Variants in DNAH14 observed in about 807,000 individuals in gnomAD.
DNAH14 encodes axonemal beta dynein heavy chain 14.
In DNAH14, 478 loss-of-function variants were observed where a neutral mutation model predicts 520.9. That is an observed-to-expected ratio of 0.92 (90% CI 0.85 to 0.99). DNAH14 has a LOEUF of 0.99. DNAH14 is among the 50% of genes least tolerant of loss of function. The probability of loss-of-function intolerance (pLI) is 0.00; values close to 1 mark genes in which losing one functional copy is unlikely to be tolerated. For synonymous variants in DNAH14, 1,581 were observed against 1,757.2 expected (o/e 0.90, Z 2.51); for missense variants, 4,831 against 5,234.5 (o/e 0.92, Z 2.38).
intron 37 of DNAH14, among the ~76,000 whole-genome samples, chr1:225,187,801 G>A (rs1475342583): frequency 6.6e-6 from 1 of 151,716 alleles, no homozygotes; most frequent in East Asian, 1.9e-4. Flanking sequence ...TTATCTTTTT[G>A]TTGTTCAGTT....
intron 43 of DNAH14, among the ~76,000 whole-genome samples, chr1:225,241,440 A>G (rs1328917487): frequency 6.6e-6 from 1 of 152,234 alleles, no homozygotes; most frequent in African/African-American, 2.4e-5. Flanking sequence ...TACCAAAAAT[A>G]CAAATCCTAC....
chr1:225,131,159 C>T (rs1255923541), intron 27 of DNAH14, among the ~76,000 whole-genome samples: 1 of 152,112 alleles, frequency 6.6e-6, no homozygotes, highest in East Asian at 1.9e-4. Context: ...GAAAGTAGAA[C>T]TATTTTCTTA....
intron 7 of DNAH14, 146 bp downstream of exon 7, chr1:224,969,020 C>G (rs2125611699): frequency 1.9e-6 from 1 of 526,198 alleles, no homozygotes; most frequent in Non-Finnish European, 3.3e-6. Flanking sequence ...CGGAACACCC[C>G]ATTTCCTCTG....
chr1:225,123,019 A>G (rs1168034414), intron 26 of DNAH14, among the ~76,000 whole-genome samples: 1 of 152,206 alleles, frequency 6.6e-6, no homozygotes, highest in Non-Finnish European at 1.5e-5. Context: ...AAAACTCCAT[A>G]TGGAAAAAAA....
At chr1:225,161,197 G>A (rs746535841) in intron 35 of DNAH14, among the ~76,000 whole-genome samples, 18 of 151,906 alleles carry the variant, frequency 1.2e-4, no homozygotes, top group African/African-American at 3.4e-4. Flanking sequence ...TCTGGTAACC[G>A]TCCTTCTACT....
At chr1:225,059,620 C>T (rs1342842738) in intron 17 of DNAH14, among the ~76,000 whole-genome samples, 1 of 152,176 alleles carries the variant, frequency 6.6e-6, no homozygotes, top group African/African-American at 2.4e-5. Context: ...TCTTCCTAGC[C>T]TCGATGGTCT....
chr1:225,333,546 T>C, intron 66 of DNAH14, 40 bp downstream of exon 66: 2 of 1,499,028 alleles, frequency 1.3e-6, no homozygotes, highest in Non-Finnish European at 1.8e-6. Flanking sequence ...GTGGCTATTA[T>C]TGTTTATTTG....
intron 77 of DNAH14, among the ~76,000 whole-genome samples, chr1:225,372,471 GA>G (rs933504447): frequency 6.6e-6 from 1 of 152,096 alleles, no homozygotes; most frequent in African/African-American, 2.4e-5. Flanking sequence ...TTCAACTGAG[GA>G]AAAAGGGATT....
intron 38 of DNAH14, among the ~76,000 whole-genome samples, chr1:225,199,438 T>G (rs1459151884): frequency 1.3e-5 from 2 of 152,180 alleles, no homozygotes; most frequent in African/African-American, 4.8e-5. Flanking sequence ...AGAAAGTCAG[T>G]TTGTGCTCTT....
chr1:225,085,987 A>G (rs2073726635), intron 21 of DNAH14, among the ~76,000 whole-genome samples, 198 bp downstream of exon 21: 1 of 152,096 alleles, frequency 6.6e-6, no homozygotes, highest in Non-Finnish European at 1.5e-5. Flanking sequence ...AGAAAATGTC[A>G]AAGTTTAATT....
intron 27 of DNAH14, among the ~76,000 whole-genome samples, chr1:225,133,035 A>G (rs2078594065): frequency 6.6e-6 from 1 of 151,924 alleles, no homozygotes; most frequent in Non-Finnish European, 1.5e-5. Context: ...TTTGAGAAGT[A>G]TCTGTTCATG....
Position 225,389,862 on chromosome 1 carries a change from T to C in DNAH14, c.13319T>C (p.Phe4440Ser). ...TCAAGATACTGGCTCCCAGCTTTCT[T>C]CTTTCCACAAGGTGAGCATTAGAAC... ...FPSRYWLPAF[F>S]FPQAFLAAVL... Residue 4440 changes from phenylalanine (F) to serine (S), a missense_variant, in exon 83 of 86, where the codon TTC becomes TCC. Physicochemically the swap from Phe to Ser is radical, Grantham distance 155. Transcript: ENST00000682510. 6.4e-7 allele frequency: 1 copy of C among 1,551,658 alleles called. No homozygotes were observed.
intron 35 of DNAH14, 127 bp from the exon 36 acceptor site, chr1:225,167,812 T>TA (rs935012369): frequency 1.6e-5 from 8 of 510,154 alleles, no homozygotes; most frequent in Admixed American, 8.5e-5. Context: ...GTTGGTGAAC[T>TA]AAAAAATCAA....
chr1:225,316,069 G>C (rs1224623980), intron 60 of DNAH14, among the ~76,000 whole-genome samples: 2 of 152,240 alleles, frequency 1.3e-5, no homozygotes, highest in Non-Finnish European at 2.9e-5. Flanking sequence ...GGTATCTAGA[G>C]AGAGAGTCTG....
chr1:225,038,639 T>C, intron 11 of DNAH14, 55 bp from the exon 12 acceptor site: 1 of 1,473,638 alleles, frequency 6.8e-7, no homozygotes, highest in Non-Finnish European at 9.0e-7. Context: ...GTTCTTTATA[T>C]ATGTAGATAT....
At chr1:225,018,749 A>G (rs1052233987) in intron 10 of DNAH14, among the ~76,000 whole-genome samples, 2 of 152,204 alleles carry the variant, frequency 1.3e-5, no homozygotes, top group Non-Finnish European at 2.9e-5. Context: ...GCCTATTTTT[A>G]ACATCCTTAA....
intron 36 of DNAH14, among the ~76,000 whole-genome samples, chr1:225,171,006 C>T (rs1349592191): frequency 6.6e-6 from 1 of 152,226 alleles, no homozygotes; most frequent in Non-Finnish European, 1.5e-5. Flanking sequence ...GAACAACCTG[C>T]TCCTGAATGA....
chr1:225,143,809 A>G (rs1309417678), intron 28 of DNAH14, among the ~76,000 whole-genome samples: 3 of 152,236 alleles, frequency 2.0e-5, no homozygotes, highest in Non-Finnish European at 2.9e-5. Context: ...GAATTGAGTT[A>G]GCACTAACTG....
intron 27 of DNAH14, among the ~76,000 whole-genome samples, chr1:225,133,831 A>G (rs1020428048): frequency 1.2e-4 from 19 of 152,022 alleles, no homozygotes; most frequent in African/African-American, 4.6e-4. Context: ...GGCCGTTTTT[A>G]TGATACTGAT....
Sources: gnomAD v4.1 joint callset for allele counts (sites outside exome capture counted in the v4.1 genomes callset) on GRCh38, gnomAD v4.1.1 for gene constraint, MANE v1.5 for transcripts, NCBI Gene and HGNC (gene_info 2026-07-23, HGNC 2026-07-21) for gene names.